Variants in ZNF552 observed in about 807,000 individuals in gnomAD.
ZNF552 encodes the protein zinc finger protein 552.
Under a neutral mutation model 7.2 loss-of-function variants are expected in ZNF552, and 2 were observed. The observed-to-expected ratio is 0.28, with a 90% CI of 0.11 to 0.88. The LOEUF is 0.88. ZNF552 is among the 40% of genes least tolerant of loss of function. ZNF552 has a pLI of 0.60. For missense variants in ZNF552, 421 were observed against 493.4 expected (o/e 0.85, Z 1.39); for synonymous variants, 173 against 176.5 (o/e 0.98, Z 0.16).
chr19:57,812,333 T>C (rs1353671611), intron 2 of ZNF552, among the ~76,000 whole-genome samples: 2 of 151,942 alleles, frequency 1.3e-5, no homozygotes, highest in South Asian at 2.1e-4. Flanking sequence ...TGAATAAAAC[T>C]CTTGACATCA....
At position 57,808,124 on chromosome 19, in the gene ZNF552, G is replaced by A. The variant is rs761753787; in HGVS notation, c.1140C>T (p.Tyr380=). The A allele has an allele frequency of 1.7e-5, 27 of 1,613,880 alleles. No individual in the cohort carries two copies. Among genetic ancestry groups the A allele is most frequent in the South Asian group, 3.3e-5 (3 of 91,086 alleles). Residue 380 remains tyrosine (Y), a synonymous_variant, in exon 3 of 3, where the codon TAC becomes TAT. Coordinates refer to ENST00000391701, the MANE Select transcript of ZNF552 (RefSeq NM_024762.3). Reference sequence around the variant, plus strand: ...ATTTTTTTTCACATTCACTGCACCCGTAAGGCTTTTCTCCAGTGTGAACTC... The same window carrying A: ...ATTTTTTTTCACATTCACTGCACCCATAAGGCTTTTCTCCAGTGTGAACTC... ...HRRVHTGEKP[Y]GCSECEKKFR...
chr19:57,814,559 G>C, intron 1 of ZNF552, 152 bp downstream of exon 1: 1 of 1,548,602 alleles, frequency 6.5e-7, no homozygotes, highest in East Asian at 2.4e-5. Context: ...CGCATCCCAC[G>C]GGTGTCTGAA....
chr19:57,814,451 C>A (rs924102086), intron 1 of ZNF552: 7 of 1,465,416 alleles, frequency 4.8e-6, no homozygotes, highest in Non-Finnish European at 6.5e-6. Context: ...ACAGGTTGTT[C>A]CCTACAGGCG....
chr19:57,808,605 T>G lies in ZNF552; in HGVS notation c.659A>C (p.His220Pro). 1 of 1,614,220 alleles carries G rather than the reference T, an allele frequency of 6.2e-7. No homozygotes were observed. Reference sequence around the variant, plus strand: ...ACTGAGTATATCTTTGGTGCTAAAATGTTTCATGCATCCTCCACAGCTGTA... The same window carrying G: ...ACTGAGTATATCTTTGGTGCTAAAAGGTTTCATGCATCCTCCACAGCTGTA... Reference protein sequence around the residue: ...SHYSCGGCMKHFSTKDILSQH... With the variant: ...SHYSCGGCMKPFSTKDILSQH... Residue 220 changes from histidine (H) to proline (P), a missense_variant, in exon 3 of 3, where the codon CAT becomes CCT. His to Pro is a moderately conservative substitution (Grantham distance 77, BLOSUM62 -2). Transcript: ENST00000391701.
chr19:57,811,715 C>CAAAAA lies in ZNF552; in HGVS notation c.160+1574_160+1578dup, dbSNP rs1162967437. Among the ~76,000 whole-genome samples the CAAAAA allele has an allele frequency of 2.0e-3, 98 of 49,656 alleles. 3 individuals carry two copies. Among genetic ancestry groups the CAAAAA allele is most frequent in the South Asian group, 3.8e-3 (4 of 1,044 alleles). The allele number at this position is 49,656 out of a possible 152,430, so 32.6% of individuals were successfully genotyped here. On this transcript the variant is annotated intron_variant, in intron 2 of 2. Transcript: ENST00000391701. ...GGACAACAAGAGCGAAACTCCATCT[C>CAAAAA]AAAAAAAAAAAAAAAAAAAAAAACA... is the stretch of plus-strand genomic sequence containing the variant.
At chr19:57,813,118 G>C in intron 2 of ZNF552, 176 bp downstream of exon 2, 2 of 1,074,548 alleles carry the variant, frequency 1.9e-6, no homozygotes, top group Non-Finnish European at 2.6e-6. Flanking sequence ...TCAATAGCAG[G>C]TGTTGGGGCT....
At chr19:57,809,218 C>A in intron 2 of ZNF552, 115 bp from the exon 3 acceptor site, 1 of 1,599,752 alleles carries the variant, frequency 6.3e-7, no homozygotes, top group East Asian at 2.2e-5. Context: ...CTTGGAGGAA[C>A]AGGATGTTGG....
rs957348860 is a variant in ZNF552 at position 57,807,191 on chromosome 19, G to C, written c.*849C>G. 3.3e-5 allele frequency: 5 copies of C among 152,114 alleles called. No homozygotes were observed. The highest frequency in any genetic ancestry group is 1.2e-4 in the African/African-American group (5 of 41,406). The allele number at this position is 152,114 out of a possible 1,614,324, so 9.4% of individuals were successfully genotyped here. A position where few individuals can be genotyped will look rare whatever the true frequency, so the allele number is the denominator to read the frequency against. ...CTGCATAGAGAAAAACTTTATAAAG[G>C]CTCCAGGTGAATACAAAGGTGATAG... On this transcript the variant is annotated 3_prime_UTR_variant, in exon 3 of 3. Coordinates refer to ENST00000391701, the MANE Select transcript of ZNF552 (RefSeq NM_024762.3).
Position 57,811,129 on chromosome 19 carries a change from A to G in ZNF552, c.161-2026T>C, listed in dbSNP as rs559509590. Among the ~76,000 whole-genome samples the G allele has an allele frequency of 1.3e-4, 20 of 151,212 alleles. No individual in the cohort carries two copies. In the East Asian group the frequency reaches 3.9e-3, roughly 29 times the overall value. ...CAGGGGGAAGGCAGGGTTCCTCCGT[A>G]TGCTGAGCGCCAGTCCCCTGGGCCC... is the stretch of plus-strand genomic sequence containing the variant. On this transcript the variant is annotated intron_variant, in intron 2 of 2. Coordinates refer to ENST00000391701, the MANE Select transcript of ZNF552 (RefSeq NM_024762.3).
chr19:57,814,435 C>T (rs1193626021), intron 1 of ZNF552: 6 of 1,332,072 alleles, frequency 4.5e-6, no homozygotes, highest in Non-Finnish European at 6.2e-6. Context: ...GGAGGAGTTC[C>T]GCCTCACAGG....
chr19:57,808,331 G>A lies in ZNF552; in HGVS notation c.933C>T (p.Leu311=). The change falls in exon 3 of 3, where the codon CTC becomes CTT. Residue 311 remains leucine, a synonymous_variant. Transcript: ENST00000391701. Reference sequence around the variant, plus strand: ...CAGTGTGAACTCTCTGGTGTGCAATGAGGTGGTACTTGTGCCTAAAAAATT... The same window carrying A: ...CAGTGTGAACTCTCTGGTGTGCAATAAGGTGGTACTTGTGCCTAAAAAATT... ...CQKFFRHKYH[L]IAHQRVHTGE... 1 of 1,613,836 alleles carries A rather than the reference G, an allele frequency of 6.2e-7. No individual in the cohort carries two copies.
rs756686166 is a variant in ZNF552, at chr19:57,808,513, T to G, written c.751A>C (p.Lys251Gln). ...TGATGATTACTGAAGCTGTCATATT[T>G]GCTAGAGGATTTCCCACATTCACAC... Reference protein sequence around the residue: ...VWCECGKSSSKYDSFSNHQGV... With the variant: ...VWCECGKSSSQYDSFSNHQGV... The change falls in exon 3 of 3, where the codon AAA becomes CAA. Residue 251 changes from lysine (K) to glutamine (Q), a missense_variant. Coordinates refer to ENST00000391701, the MANE Select transcript of ZNF552 (RefSeq NM_024762.3). 2 of 1,613,994 alleles carry G rather than the reference T, an allele frequency of 1.2e-6. No homozygotes were observed. Among genetic ancestry groups the G allele is most frequent in the Non-Finnish European group, 1.7e-6 (2 of 1,179,870 alleles).
rs1987774568 is a variant in ZNF552 at position 57,808,062 on chromosome 19, ACT to A, written c.1200_1201del (p.Arg400SerfsTer25). Reference sequence around the variant, plus strand: ...CACTCATAAGCCCTTTCTTTTGTGAACTCTCTGATGATGACGAAGTGAAGAGA... The same window carrying A: ...CACTCATAAGCCCTTTCTTTTGTGAACTCTGATGATGACGAAGTGAAGAGA... On this transcript the variant is annotated frameshift_variant, in exon 3 of 3. Transcript: ENST00000391701. LOFTEE classifies it high-confidence loss of function. The A allele has an allele frequency of 6.2e-7, 1 of 1,611,336 alleles. No individual in the cohort carries two copies. The highest frequency in any genetic ancestry group is 8.5e-7 in the Non-Finnish European group (1 of 1,178,756).
chr19:57,813,721 A>G (rs1298990688), intron 1 of ZNF552, among the ~76,000 whole-genome samples: 1 of 145,730 alleles, frequency 6.9e-6, no homozygotes, highest in East Asian at 2.0e-4. Flanking sequence ...ACCCTCTCTG[A>G]ACGCACCTCA....
chr19:57,810,529 C>T (rs1028970695), intron 2 of ZNF552, among the ~76,000 whole-genome samples: 1 of 152,152 alleles, frequency 6.6e-6, no homozygotes, highest in African/African-American at 2.4e-5. Context: ...CTATGCAGGA[C>T]GTGCTTTGTT....
intron 1 of ZNF552, among the ~76,000 whole-genome samples, chr19:57,814,193 A>G (rs2122151987): frequency 6.6e-6 from 1 of 152,112 alleles, no homozygotes; most frequent in South Asian, 2.1e-4. Flanking sequence ...ACCTTGGACT[A>G]TTGTCTAACC....
rs1327724592 is a variant in ZNF552, at chr19:57,807,304, A to G, written c.*736T>C. 1 of 152,244 alleles carries G rather than the reference A, an allele frequency of 6.6e-6. No homozygotes were observed. The highest frequency in any genetic ancestry group is 1.5e-5 in the Non-Finnish European group (1 of 68,062). The allele number at this position is 152,244 out of a possible 1,614,324, so 9.4% of individuals were successfully genotyped here. A position where few individuals can be genotyped will look rare whatever the true frequency, so the allele number is the denominator to read the frequency against. On this transcript the variant is annotated 3_prime_UTR_variant, in exon 3 of 3. Transcript: ENST00000391701. ...CCAGGAGCAGTGGCTCACGCCTGCA[A>G]TCCCAACACTTTGAGAGGCCAAGGC... is the stretch of plus-strand genomic sequence containing the variant.
At position 57,807,852 on chromosome 19, in the gene ZNF552, G is replaced by A. The variant is rs1390672103; in HGVS notation, c.*188C>T. On this transcript the variant is annotated 3_prime_UTR_variant, in exon 3 of 3. Transcript: ENST00000391701. ...ATTCAGTGTTAACTATAATCCTGAA[G>A]GAATACAGAGGTGTGGCTACAAAAC... 6 of 854,554 alleles carry A rather than the reference G, an allele frequency of 7.0e-6. No individual in the cohort carries two copies. Among genetic ancestry groups the A allele is most frequent in the Non-Finnish European group, 8.6e-6 (5 of 583,140 alleles). 52.9% of individuals were successfully genotyped at this position (854,554 alleles called of 1,614,324 possible).
intron 1 of ZNF552, chr19:57,814,387 G>T (rs1264222621): frequency 1.2e-6 from 1 of 822,392 alleles, no homozygotes; most frequent in Non-Finnish European, 1.9e-6. Flanking sequence ...TAGTGTCCTC[G>T]CAATGATTTC....
Sources: gnomAD v4.1 joint callset for allele counts (sites outside exome capture counted in the v4.1 genomes callset) on GRCh38, gnomAD v4.1.1 for gene constraint, MANE v1.5 for transcripts, NCBI Gene and HGNC (gene_info 2026-07-23, HGNC 2026-07-21) for gene names.